MFF: variants seen among roughly 807,000 people sequenced by gnomAD.
MFF encodes mitochondrial fission factor.
MFF carries 12 observed loss-of-function variants against 36.9 expected under a neutral mutation model. That is an observed-to-expected ratio of 0.33 (90% confidence interval 0.21 to 0.53). MFF has a LOEUF of 0.53. MFF is among the 20% of genes least tolerant of loss of function. MFF has a pLI of 0.95. For synonymous variants in MFF, 99 were observed against 126.2 expected (o/e 0.78, Z 1.44); for missense variants, 348 against 366.6 (o/e 0.95, Z 0.42).
At chr2:227,354,505 T>G (rs1315966311) in intron 7 of MFF, among the ~76,000 whole-genome samples, 1 of 152,212 alleles carries the variant, frequency 6.6e-6, no homozygotes, top group Non-Finnish European at 1.5e-5. Flanking sequence ...ATAAAATACA[T>G]GTGAGGTGAA....
At chr2:227,342,566 G>A (rs1296558860) in intron 5 of MFF, among the ~76,000 whole-genome samples, 1 of 152,096 alleles carries the variant, frequency 6.6e-6, no homozygotes, top group Non-Finnish European at 1.5e-5. Context: ...AAGAATAAAA[G>A]TGCGAACGGG....
chr2:227,346,268 T>C (rs1208541755), intron 5 of MFF: 1 of 167,136 alleles, frequency 6.0e-6, no homozygotes, highest in African/African-American at 2.4e-5. Context: ...GATGTTAGTT[T>C]TGCCTTGACG....
chr2:227,348,793 G>C (rs2075840683), intron 6 of MFF, among the ~76,000 whole-genome samples: 1 of 152,130 alleles, frequency 6.6e-6, no homozygotes, highest in African/African-American at 2.4e-5. Flanking sequence ...ATCTAGCTTT[G>C]TGAATTCTTG....
Position 227,357,225 on chromosome 2 carries a change from C to A in MFF, c.*108C>A. On this transcript the variant is annotated 3_prime_UTR_variant, in exon 9 of 9. Transcript: ENST00000304593. ...TTGTATGCCATTTTATAGTCCACAC[C>A]CTGAAAATGTATTTCTTCCAGAAAG... 8.4e-7 allele frequency: 1 copy of A among 1,197,164 alleles called. No individual in the cohort carries two copies. Among genetic ancestry groups the A allele is most frequent in the South Asian group, 1.5e-5 (1 of 66,778 alleles). 74.2% of individuals were successfully genotyped at this position (1,197,164 alleles called of 1,614,324 possible).
chr2:227,333,810 A>G (rs1026922680), intron 4 of MFF, among the ~76,000 whole-genome samples: 1 of 152,230 alleles, frequency 6.6e-6, no homozygotes, highest in African/African-American at 2.4e-5. Flanking sequence ...TTGCCAGGAA[A>G]GAAATGCTCC....
chr2:227,326,470 C>A (rs1020755599), intron 1 of MFF, among the ~76,000 whole-genome samples: 9 of 152,154 alleles, frequency 5.9e-5, no homozygotes, highest in Non-Finnish European at 2.9e-5. Flanking sequence ...GGGGGACCTT[C>A]TATCTTTTGG....
chr2:227,343,812 G>T (rs2075556306), intron 5 of MFF, among the ~76,000 whole-genome samples: 1 of 151,998 alleles, frequency 6.6e-6, no homozygotes, highest in Non-Finnish European at 1.5e-5. Context: ...TTTTGAGACG[G>T]AGTCTCACTG....
chr2:227,342,880 A>G (rs997539408), intron 5 of MFF: 3 of 1,388,170 alleles, frequency 2.2e-6, no homozygotes, highest in African/African-American at 2.9e-5. Context: ...GGATTATGTT[A>G]ATACTAATCT....
chr2:227,356,506 T>C (rs2076264538), intron 8 of MFF, among the ~76,000 whole-genome samples: 1 of 151,984 alleles, frequency 6.6e-6, no homozygotes, highest in Non-Finnish European at 1.5e-5. Flanking sequence ...AGTAGATTAT[T>C]TTATTGGATT....
At chr2:227,335,448 C>T (rs1254835116) in intron 4 of MFF, among the ~76,000 whole-genome samples, 14 of 152,092 alleles carry the variant, frequency 9.2e-5, no homozygotes, top group African/African-American at 2.7e-4. Flanking sequence ...GATTACACAA[C>T]GTTGTGAGTG....
chr2:227,343,479 T>C (rs1260274187), intron 5 of MFF, among the ~76,000 whole-genome samples: 1 of 152,200 alleles, frequency 6.6e-6, no homozygotes, highest in Admixed American at 6.5e-5. Context: ...TCTATTATTA[T>C]GCTTCCAGGA....
At chr2:227,341,594 A>G (rs1374058786) in intron 5 of MFF, among the ~76,000 whole-genome samples, 1 of 152,160 alleles carries the variant, frequency 6.6e-6, no homozygotes, top group East Asian at 1.9e-4. Flanking sequence ...TCTGGTTAGC[A>G]GTGATGTCAG....
chr2:227,356,967 GTGTT>G lies in MFF; in HGVS notation c.745-13_745-10del, dbSNP rs1559995164. 2 of 1,564,446 alleles carry G rather than the reference GTGTT, an allele frequency of 1.3e-6. No individual in the cohort carries two copies. The highest frequency in any genetic ancestry group is 8.7e-7 in the Non-Finnish European group (1 of 1,149,584). The stretch of plus-strand genomic sequence containing the variant: ...AAAGCCTCTATATTATATTTTTTGT[GTGTT>G]TGTTTTTCACTTAGATAATCAAACT... On this transcript the variant is annotated splice_polypyrimidine_tract_variant and intron_variant, in intron 8 of 8. Coordinates refer to ENST00000304593, the MANE Select transcript of MFF (RefSeq NM_001277062.2).
intron 2 of MFF, 80 bp from the exon 3 acceptor site, chr2:227,330,546 G>A: frequency 1.1e-6 from 1 of 948,160 alleles, no homozygotes; most frequent in Non-Finnish European, 1.6e-6. Context: ...CTTTCTATAA[G>A]GTATTGTCTT....
intron 1 of MFF, among the ~76,000 whole-genome samples, chr2:227,326,241 G>T (rs934046009): frequency 1.2e-4 from 18 of 148,428 alleles, no homozygotes; most frequent in Non-Finnish European, 2.7e-4. Flanking sequence ...AAAAAAAAAA[G>T]GTTTCTGGCC....
chr2:227,349,331 G>A (rs892718802), intron 6 of MFF, among the ~76,000 whole-genome samples: 1 of 151,748 alleles, frequency 6.6e-6, no homozygotes, highest in Admixed American at 6.6e-5. Flanking sequence ...ATCAAAAATC[G>A]TATTAGTATA....
chr2:227,349,708 A>T (rs2075892402), intron 6 of MFF, among the ~76,000 whole-genome samples: 1 of 152,136 alleles, frequency 6.6e-6, no homozygotes, highest in Admixed American at 6.6e-5. Flanking sequence ...TGTGAGAAGT[A>T]TCTGGCATGA....
intron 8 of MFF, 119 bp from the exon 9 acceptor site, chr2:227,356,867 C>T: frequency 1.3e-6 from 1 of 791,240 alleles, no homozygotes; most frequent in Non-Finnish European, 2.0e-6. Context: ...TGAAACTTTC[C>T]ATGTTTGTAA....
At chr2:227,330,384 TA>T (rs2074482980) in intron 2 of MFF, 2 of 473,456 alleles carry the variant, frequency 4.2e-6, no homozygotes, top group South Asian at 5.9e-5. Context: ...AATTCTATAA[TA>T]ATTTAAAAAA....
Sources: allele counts gnomAD v4.1 joint callset (sites outside exome capture counted in the v4.1 genomes callset), GRCh38; gene constraint gnomAD v4.1.1; transcripts MANE v1.5; gene names NCBI Gene and HGNC (gene_info 2026-07-23, HGNC 2026-07-21).